The following UIMC1 variants were observed in gnomAD, a reference collection of about 807,000 sequenced individuals.
UIMC1 encodes the protein ubiquitin interaction motif containing 1.
Under a neutral mutation model 84.9 loss-of-function variants are expected in UIMC1, and 42 were observed. That is an observed-to-expected ratio of 0.49 (90% CI 0.39 to 0.64). UIMC1 has a LOEUF of 0.64. Among genes scored for constraint, UIMC1 ranks in the 30% least tolerant of loss-of-function variants. The pLI is 0.00. For synonymous variants in UIMC1, 281 were observed against 293.0 expected (o/e 0.96, Z 0.42); for missense variants, 825 against 847.6 (o/e 0.97, Z 0.33).
chr5:176,970,593 C>T, intron 4 of UIMC1, 149 bp downstream of exon 4: 2 of 1,284,830 alleles, frequency 1.6e-6, no homozygotes, highest in Non-Finnish European at 2.2e-6. Flanking sequence ...AACAATTCAA[C>T]ACAGACTTTA....
Position 176,983,587 on chromosome 5 carries a change from C to T in UIMC1, c.-8-964G>A, listed in dbSNP as rs1425021260. Among the ~76,000 whole-genome samples the T allele has an allele frequency of 1.2e-4, 18 of 152,160 alleles. 1 individual carries two copies. The highest frequency in any genetic ancestry group is 1.2e-3 in the Admixed American group (18 of 15,274). On this transcript the variant is annotated intron_variant, in intron 1 of 14. Coordinates refer to ENST00000511320, the MANE Select transcript of UIMC1 (RefSeq NM_001199298.2). ...TGGCATGATCTCGGCTCGCTACAAC[C>T]TCCACCTCCCAGCCGCCTGCCTTGG...
chr5:176,951,112 T>C (rs1765831928), intron 9 of UIMC1, among the ~76,000 whole-genome samples: 2 of 152,200 alleles, frequency 1.3e-5, no homozygotes, highest in South Asian at 4.1e-4. Flanking sequence ...TTTGTCTCTG[T>C]TACTTATTGG....
At chr5:176,969,564 C>T (rs1768884276) in intron 5 of UIMC1, 37 bp downstream of exon 5, 1 of 1,593,054 alleles carries the variant, frequency 6.3e-7, no homozygotes, top group Non-Finnish European at 8.6e-7. Context: ...TACAGTTATA[C>T]TTGATGAATG....
At chr5:176,992,863 C>G (rs1773084406) in intron 1 of UIMC1, among the ~76,000 whole-genome samples, 1 of 151,944 alleles carries the variant, frequency 6.6e-6, no homozygotes, top group Non-Finnish European at 1.5e-5. Flanking sequence ...ATACATTTAT[C>G]TTGCAAAAGA....
chr5:176,907,042 G>C, intron 13 of UIMC1, 72 bp downstream of exon 13: 2 of 1,487,888 alleles, frequency 1.3e-6, no homozygotes, highest in Non-Finnish European at 1.9e-6. Context: ...AAATAGTCAG[G>C]GGGCTGGCAA....
chr5:176,994,614 T>C (rs987485833), intron 1 of UIMC1, among the ~76,000 whole-genome samples: 1 of 152,038 alleles, frequency 6.6e-6, no homozygotes, highest in African/African-American at 2.4e-5. Flanking sequence ...GAGGATTTTC[T>C]TTAGGTGGCC....
chr5:176,915,793 C>CAAAAAA (rs58297107), intron 10 of UIMC1, among the ~76,000 whole-genome samples: 225 of 42,600 alleles, frequency 5.3e-3, no homozygotes, highest in East Asian at 0.011. Flanking sequence ...GGTCACAAAG[C>CAAAAAA]AAAAAAAAAA....
chr5:176,985,355 C>G (rs1305498359), intron 1 of UIMC1, among the ~76,000 whole-genome samples: 2 of 151,124 alleles, frequency 1.3e-5, no homozygotes, highest in Admixed American at 6.6e-5. Flanking sequence ...ACTCAGGAGA[C>G]TGAGGCAGGA....
intron 1 of UIMC1, among the ~76,000 whole-genome samples, chr5:177,019,627 G>GAAA (rs367851922): frequency 2.2e-5 from 3 of 133,986 alleles, no homozygotes; most frequent in Non-Finnish European, 3.2e-5. Context: ...CCCTGTCTCG[G>GAAA]AAAAAAAAAA....
At chr5:176,983,476 C>T (rs1238654060) in intron 1 of UIMC1, among the ~76,000 whole-genome samples, 2 of 152,186 alleles carry the variant, frequency 1.3e-5, no homozygotes, top group Non-Finnish European at 2.9e-5. Flanking sequence ...CTCGGGTGAT[C>T]TGCCCGCCTC....
At chr5:176,928,525 C>G (rs1219268094) in intron 10 of UIMC1, among the ~76,000 whole-genome samples, 1 of 152,044 alleles carries the variant, frequency 6.6e-6, no homozygotes, top group Non-Finnish European at 1.5e-5. Context: ...TTAAAAGAGC[C>G]CGAGACATTA....
intron 1 of UIMC1, among the ~76,000 whole-genome samples, chr5:176,988,793 C>A (rs1362403299): frequency 6.6e-6 from 1 of 151,096 alleles, no homozygotes; most frequent in Non-Finnish European, 1.5e-5. Flanking sequence ...AAGCAATTCT[C>A]CTGCCTCAGC....
chr5:176,951,713 T>C, intron 8 of UIMC1, 136 bp from the exon 9 acceptor site: 1 of 572,266 alleles, frequency 1.7e-6, no homozygotes, highest in Non-Finnish European at 3.0e-6. Context: ...AGATCTAGTT[T>C]GTTTCTTCTT....
At chr5:177,017,257 G>A in intron 1 of UIMC1, among the ~76,000 whole-genome samples, 1 of 152,164 alleles carries the variant, frequency 6.6e-6, no homozygotes, top group East Asian at 1.9e-4. Flanking sequence ...CTAATAGTTT[G>A]AGATGTGTTC....
intron 6 of UIMC1, among the ~76,000 whole-genome samples, chr5:176,959,110 G>A (rs1409776365): frequency 6.6e-6 from 1 of 152,200 alleles, no homozygotes; most frequent in Admixed American, 6.5e-5. Context: ...AAGGAAAGTT[G>A]TACAATAATA....
Position 176,924,077 on chromosome 5 carries a change from G to C in UIMC1, c.1598-12688C>G, listed in dbSNP as rs146889735. ...TCACGCGTGTAATCCCAGCACTTTGGGGGGCCGAGGCAGGTGGATCACCTG... is the reference window on the plus strand; with the variant it reads ...TCACGCGTGTAATCCCAGCACTTTGCGGGGCCGAGGCAGGTGGATCACCTG... On this transcript the variant is annotated intron_variant, in intron 10 of 14. Transcript: ENST00000511320. 1.6e-3 allele frequency among the ~76,000 whole-genome samples: 241 copies of C among 152,006 alleles called. 1 individual carries two copies. In the East Asian group the frequency reaches 0.019, roughly 12 times the overall value.
chr5:177,005,410 T>C (rs1775116667), intron 1 of UIMC1, among the ~76,000 whole-genome samples: 2 of 152,026 alleles, frequency 1.3e-5, no homozygotes, highest in Admixed American at 6.6e-5. Context: ...AATGAACTTA[T>C]TTCCGTAATT....
chr5:176,930,968 G>A (rs567392768), intron 10 of UIMC1, among the ~76,000 whole-genome samples: 31 of 152,186 alleles, frequency 2.0e-4, no homozygotes, highest in Admixed American at 1.5e-3. Flanking sequence ...TCCTGAAACC[G>A]ACTGAGGCTT....
chr5:176,970,510 A>G, intron 4 of UIMC1: 1 of 551,460 alleles, frequency 1.8e-6, no homozygotes, highest in African/African-American at 1.9e-5. Context: ...TTCAACCATG[A>G]ACTAAAAAAT....
Sources: gnomAD v4.1 joint callset for allele counts (sites outside exome capture counted in the v4.1 genomes callset) on GRCh38, gnomAD v4.1.1 for gene constraint, MANE v1.5 for transcripts, NCBI Gene and HGNC (gene_info 2026-07-23, HGNC 2026-07-21) for gene names.